The following IL1RAPL1 variants were observed in gnomAD, a reference collection of about 807,000 sequenced individuals.
IL1RAPL1 encodes interleukin 1 receptor accessory protein like 1, also known as interleukin-1 receptor accessory protein-like 1.
A neutral mutation model predicts 48.4 loss-of-function variants in IL1RAPL1; 3 were observed. That is an observed-to-expected ratio of 0.06 (90% confidence interval 0.03 to 0.16). The LOEUF is 0.16. IL1RAPL1 is among the 10% of genes least tolerant of loss of function. The pLI is 1.00. For synonymous variants in IL1RAPL1, 185 were observed against 187.7 expected (o/e 0.99, Z 0.12); for missense variants, 349 against 530.6 (o/e 0.66, Z 3.36).
chrX:29,078,332 A>C (rs948574035), intron 2 of IL1RAPL1, among the ~76,000 whole-genome samples: 2 of 112,607 alleles, frequency 1.8e-5, no homozygotes, highest in Non-Finnish European at 3.8e-5. Context: ...AACAAAAAGC[A>C]AAGAGAGAGG....
chrX:29,332,648 ATTTT>A (rs1411800122), intron 3 of IL1RAPL1, among the ~76,000 whole-genome samples: 50 of 72,927 alleles, frequency 6.9e-4, no homozygotes, highest in African/African-American at 8.8e-4. Flanking sequence ...TTATTTATTT[ATTTT>A]ATTTTTTTTT....
intron 2 of IL1RAPL1, among the ~76,000 whole-genome samples, chrX:29,172,039 AT>A (rs1929919105): frequency 8.9e-6 from 1 of 112,599 alleles, no homozygotes; most frequent in African/African-American, 3.2e-5. Context: ...AACCCAAGGT[AT>A]TTTGAACCAT....
At chrX:28,609,664 A>ACAC (rs1569137648) in intron 1 of IL1RAPL1, among the ~76,000 whole-genome samples, 39 of 70,694 alleles carry the variant, frequency 5.5e-4, no homozygotes, top group Middle Eastern at 0.013. Context: ...CACACACACA[A>ACAC]CATACCTACC....
At chrX:29,032,588 C>G (rs767949934) in intron 2 of IL1RAPL1, among the ~76,000 whole-genome samples, 33 of 112,455 alleles carry the variant, frequency 2.9e-4, no homozygotes, top group African/African-American at 1.0e-3. Flanking sequence ...TTTTCTTTCT[C>G]TGCGATTCTT....
intron 1 of IL1RAPL1, among the ~76,000 whole-genome samples, chrX:28,685,376 A>G (rs184883412): frequency 8.9e-6 from 1 of 112,431 alleles, no homozygotes; most frequent in East Asian, 2.8e-4. Flanking sequence ...TCATAACACA[A>G]TTGTGATTAT....
chrX:29,218,595 A>T (rs754538027), intron 2 of IL1RAPL1, among the ~76,000 whole-genome samples: 1 of 111,906 alleles, frequency 8.9e-6, no homozygotes, highest in Non-Finnish European at 1.9e-5. Flanking sequence ...GTTGACTGCT[A>T]CCTAAAGATA....
chrX:28,659,015 CT>C (rs1167711615), intron 1 of IL1RAPL1: 10,506 of 366,384 alleles, frequency 0.029, 7 homozygotes, highest in African/African-American at 0.042. Context: ...GAAGAAGAGA[CT>C]TTTTTTTTTT....
At chrX:29,452,886 C>T (rs1293973422) in intron 5 of IL1RAPL1, among the ~76,000 whole-genome samples, 2 of 106,909 alleles carry the variant, frequency 1.9e-5, no homozygotes, top group African/African-American at 3.4e-5. Flanking sequence ...TGTAAAACCA[C>T]GGAGAGTGTT....
chrX:29,206,941 G>C (rs1221164665), intron 2 of IL1RAPL1, among the ~76,000 whole-genome samples: 1 of 111,665 alleles, frequency 9.0e-6, no homozygotes, highest in Non-Finnish European at 1.9e-5. Flanking sequence ...ACATTTTATT[G>C]ATGGATCAGA....
intron 2 of IL1RAPL1, among the ~76,000 whole-genome samples, chrX:28,968,239 T>C (rs1569210135): frequency 8.9e-6 from 1 of 111,734 alleles, no homozygotes; most frequent in Non-Finnish European, 1.9e-5. Context: ...GAGCCATTAG[T>C]TCCGTAGCCA....
Position 29,791,114 on chromosome X carries a change from G to A in IL1RAPL1, c.778+122610G>A, listed in dbSNP as rs778532835. Among the ~76,000 whole-genome samples the A allele has an allele frequency of 3.6e-5, 4 of 110,500 alleles. No individual in the cohort carries two copies. The South Asian group carries it at 1.2e-3, about 33-fold the overall frequency. On this transcript the variant is annotated intron_variant, in intron 6 of 10. Transcript: ENST00000378993. ...CCTCCCTAAAGAAACCATCTTGCCC[G>A]ATGTAGCCCCAAGTCAATCTCTCTT... is the stretch of plus-strand genomic sequence containing the variant.
chrX:28,911,722 G>C (rs1460716541), intron 2 of IL1RAPL1, among the ~76,000 whole-genome samples: 1 of 110,482 alleles, frequency 9.1e-6, no homozygotes, highest in African/African-American at 3.3e-5. Flanking sequence ...TCCAGAAATG[G>C]CACTTTGAAC....
At chrX:29,038,723 T>C (rs1926780492) in intron 2 of IL1RAPL1, among the ~76,000 whole-genome samples, 3 of 112,124 alleles carry the variant, frequency 2.7e-5, no homozygotes, top group African/African-American at 9.7e-5. Flanking sequence ...TGGGGAATCA[T>C]TAAAAAATTG....
intron 2 of IL1RAPL1, among the ~76,000 whole-genome samples, chrX:29,177,548 A>G (rs1223599366): frequency 8.9e-6 from 1 of 112,004 alleles, no homozygotes; most frequent in Non-Finnish European, 1.9e-5. Flanking sequence ...TGCATAAAAT[A>G]CAACATTTAC....
chrX:29,429,992 T>G (rs183349923), intron 5 of IL1RAPL1, among the ~76,000 whole-genome samples: 1 of 106,445 alleles, frequency 9.4e-6, no homozygotes, highest in African/African-American at 3.4e-5. Flanking sequence ...CTTGGACTTC[T>G]GGCCTCAAGC....
At chrX:28,762,839 G>C (rs78486388) in intron 1 of IL1RAPL1, among the ~76,000 whole-genome samples, 174 of 41,367 alleles carry the variant, frequency 4.2e-3, no homozygotes, top group African/African-American at 0.011. Context: ...GAGAGAGAGA[G>C]AGAGAGAGAG....
At chrX:28,946,464 T>C (rs886792249) in intron 2 of IL1RAPL1, among the ~76,000 whole-genome samples, 8 of 111,158 alleles carry the variant, frequency 7.2e-5, no homozygotes, top group African/African-American at 2.6e-4. Flanking sequence ...TTCTCATTCA[T>C]ATTATGAAGA....
intron 1 of IL1RAPL1, among the ~76,000 whole-genome samples, chrX:28,662,645 T>A (rs1934835391): frequency 9.0e-6 from 1 of 111,491 alleles, no homozygotes; most frequent in African/African-American, 3.3e-5. Context: ...TGGTTGGCTT[T>A]ATTTAATTAA....
intron 6 of IL1RAPL1, among the ~76,000 whole-genome samples, chrX:29,765,292 C>T (rs1928856573): frequency 9.6e-6 from 1 of 104,133 alleles, no homozygotes; most frequent in Admixed American, 1.0e-4. Context: ...ATTGTCATCC[C>T]AGTTATTTAC....
Sources: gnomAD v4.1 joint callset for allele counts (sites outside exome capture counted in the v4.1 genomes callset) on GRCh38, gnomAD v4.1.1 for gene constraint, MANE v1.5 for transcripts, NCBI Gene and HGNC (gene_info 2026-07-23, HGNC 2026-07-21) for gene names.